The following VWA3B variants were observed in gnomAD, a reference collection of about 807,000 sequenced individuals.
VWA3B encodes the protein von Willebrand factor A domain containing 3B.
Under a neutral mutation model 158.3 loss-of-function variants are expected in VWA3B, and 138 were observed. The observed-to-expected ratio is 0.87, with a 90% confidence interval of 0.76 to 1.00. The LOEUF (loss-of-function observed/expected upper bound fraction) is 1.00, where lower values mean the gene tolerates loss of function less well. Ranked by LOEUF, VWA3B falls within the 50% of genes least tolerant of loss-of-function variation. The pLI is 0.00. For missense variants in VWA3B, 1,555 were observed against 1,565.1 expected (o/e 0.99, Z 0.11); for synonymous variants, 596 against 587.3 (o/e 1.01, Z -0.21).
Position 98,310,373 on chromosome 2 carries a change from G to A in VWA3B, c.3522-1446G>A, listed in dbSNP as rs575935366. Among the ~76,000 whole-genome samples the A allele has an allele frequency of 9.2e-5, 14 of 152,252 alleles. No homozygotes were observed. The East Asian group carries it at 1.2e-3, about 13-fold the overall frequency. The stretch of plus-strand genomic sequence containing the variant: ...TTCCCAGAAGTGGAACCAGCACAGC[G>A]CCAGAGTCCTCCAGGCAGGGGGGTA... On this transcript the variant is annotated intron_variant, in intron 26 of 27. Transcript: ENST00000477737.
intron 7 of VWA3B, among the ~76,000 whole-genome samples, chr2:98,153,526 A>T (rs894674683): frequency 6.6e-6 from 1 of 152,246 alleles, no homozygotes; most frequent in African/African-American, 2.4e-5. Context: ...TTAAAGGGAA[A>T]AAATAACCAA....
At chr2:98,186,208 C>T (rs1474001349) in intron 9 of VWA3B, among the ~76,000 whole-genome samples, 1 of 150,186 alleles carries the variant, frequency 6.7e-6, no homozygotes, top group Non-Finnish European at 1.5e-5. Flanking sequence ...ATCCTCCCAC[C>T]TCGCTGGCTG....
At chr2:98,089,144 C>A (rs907401406) in intron 1 of VWA3B, among the ~76,000 whole-genome samples, 2 of 152,080 alleles carry the variant, frequency 1.3e-5, no homozygotes, top group African/African-American at 4.8e-5. Flanking sequence ...TGGATATTTG[C>A]CTTCTTTGAA....
At chr2:98,166,463 C>G (rs1180965458) in intron 8 of VWA3B, among the ~76,000 whole-genome samples, 1 of 152,130 alleles carries the variant, frequency 6.6e-6, no homozygotes, top group African/African-American at 2.4e-5. Context: ...AGCCCTCTCC[C>G]CAGAAGCACA....
At chr2:98,137,465 C>T (rs1270114218) in intron 7 of VWA3B, among the ~76,000 whole-genome samples, 1 of 151,920 alleles carries the variant, frequency 6.6e-6, no homozygotes, top group African/African-American at 2.4e-5. Context: ...AAGTTAATGC[C>T]ACAAAAATCC....
chr2:98,235,202 T>C (rs927051629), intron 17 of VWA3B, among the ~76,000 whole-genome samples: 1 of 152,240 alleles, frequency 6.6e-6, no homozygotes, highest in Non-Finnish European at 1.5e-5. Flanking sequence ...ATAAAATTAT[T>C]AATCTTAAAG....
At position 98,093,121 on chromosome 2, in the gene VWA3B, T is replaced by C. The variant is rs770368297; in HGVS notation, c.29T>C (p.Ile10Thr). 6.2e-7 allele frequency: 1 copy of C among 1,613,918 alleles called. No homozygotes were observed. The highest frequency in any genetic ancestry group is 8.5e-7 in the Non-Finnish European group (1 of 1,179,930). The change falls in exon 2 of 28, where the codon ATC (isoleucine) becomes ACC (threonine). Residue 10 changes from isoleucine to threonine, a missense_variant. Ile to Thr is a moderately conservative substitution (Grantham distance 89). Coordinates refer to ENST00000477737, the MANE Select transcript of VWA3B (RefSeq NM_144992.5). Reference sequence around the variant, plus strand: ...GAGAAATCAGGCCCATCTTCTACCATCTCTGAGCAGCAGCTGCAGAGGCAA... The same window carrying C: ...GAGAAATCAGGCCCATCTTCTACCACCTCTGAGCAGCAGCTGCAGAGGCAA... MEKSGPSST[I>T]SEQQLQRQEG...
chr2:98,270,838 C>T lies in VWA3B; in HGVS notation c.3000C>T (p.Leu1000=). The change falls in exon 22 of 28, where the codon CTC becomes CTT. Residue 1000 remains leucine, a synonymous_variant. Transcript: ENST00000477737. ...GKMYIQQAME[L]QEAAKKNYAN... The stretch of plus-strand genomic sequence containing the variant: ...TGTACATCCAGCAGGCCATGGAACT[C>T]CAGGAGGCTGCCAAGAAGAATTATG... 6.2e-7 allele frequency: 1 copy of T among 1,614,094 alleles called. No individual in the cohort carries two copies. The highest frequency in any genetic ancestry group is 8.5e-7 in the Non-Finnish European group (1 of 1,179,974).
At chr2:98,262,255 A>G (rs1167176309) in intron 21 of VWA3B, among the ~76,000 whole-genome samples, 1 of 151,550 alleles carries the variant, frequency 6.6e-6, no homozygotes, top group East Asian at 1.9e-4. Context: ...ATGTGCAGCT[A>G]TTTTCTTTGA....
At chr2:98,108,260 G>C (rs1403998341) in intron 2 of VWA3B, among the ~76,000 whole-genome samples, 1 of 152,048 alleles carries the variant, frequency 6.6e-6, no homozygotes, top group East Asian at 1.9e-4. Context: ...AAAATGTTTA[G>C]GATGTTTTAT....
At chr2:98,170,866 A>G (rs1679525681) in intron 8 of VWA3B, among the ~76,000 whole-genome samples, 1 of 152,066 alleles carries the variant, frequency 6.6e-6, no homozygotes, top group Non-Finnish European at 1.5e-5. Flanking sequence ...CAGCCTCCCA[A>G]AGTGCTGGGA....
chr2:98,130,710 G>A (rs991333169), intron 6 of VWA3B, among the ~76,000 whole-genome samples: 4 of 152,190 alleles, frequency 2.6e-5, no homozygotes, highest in Admixed American at 6.5e-5. Context: ...TGGGGGTAGC[G>A]TTACAGATTA....
chr2:98,130,945 C>T (rs554493577), intron 6 of VWA3B, among the ~76,000 whole-genome samples: 31 of 152,314 alleles, frequency 2.0e-4, no homozygotes, highest in African/African-American at 6.3e-4. Flanking sequence ...TAAGTCCCCT[C>T]TTCTGGCTAT....
In VWA3B at chr2:98,290,526, G is replaced by A. The variant is rs1689424774; in HGVS notation, c.3061G>A (p.Gly1021Arg). The A allele has an allele frequency of 6.3e-7, 1 of 1,577,388 alleles. No individual in the cohort carries two copies. The highest frequency in any genetic ancestry group is 2.1e-5 in the Admixed American group (1 of 48,314). The change falls in exon 23 of 28, where the codon GGA becomes AGA. Residue 1021 changes from glycine to arginine, a missense_variant. Gly to Arg is a moderately radical substitution (Grantham distance 125). Coordinates refer to ENST00000477737, the MANE Select transcript of VWA3B (RefSeq NM_144992.5). ...TCTTTTTCAGCAACAGAAATTGCAA[G>A]GAAATCCAACAAAGAAAACCAAATC... ...KAPGEQQKLQ[G>R]NPTKKTKSKR...
At chr2:98,235,364 C>A (rs1240645757) in intron 17 of VWA3B, among the ~76,000 whole-genome samples, 1 of 151,948 alleles carries the variant, frequency 6.6e-6, no homozygotes, top group Non-Finnish European at 1.5e-5. Context: ...TGTGGCTACA[C>A]AGTCATAGTT....
At chr2:98,095,339 G>A (rs898196551) in intron 2 of VWA3B, among the ~76,000 whole-genome samples, 4 of 152,022 alleles carry the variant, frequency 2.6e-5, no homozygotes, top group Non-Finnish European at 5.9e-5. Context: ...CACCTCCTTA[G>A]TTAAATTTAT....
chr2:98,227,934 G>A (rs576951970), intron 14 of VWA3B, among the ~76,000 whole-genome samples: 1 of 152,286 alleles, frequency 6.6e-6, no homozygotes, highest in East Asian at 1.9e-4. Flanking sequence ...GCTAAAAATG[G>A]GATAATATAA....
chr2:98,175,265 C>A (rs370261942), intron 8 of VWA3B, among the ~76,000 whole-genome samples: 1 of 151,782 alleles, frequency 6.6e-6, no homozygotes, highest in African/African-American at 2.4e-5. Flanking sequence ...ATTAAATAAG[C>A]GATTTTAAAT....
intron 14 of VWA3B, among the ~76,000 whole-genome samples, chr2:98,220,278 C>T (rs1160373367): frequency 6.6e-6 from 1 of 151,676 alleles, no homozygotes. Flanking sequence ...GAAAACCTTA[C>T]CAGATAGAAA....
Sources: allele counts gnomAD v4.1 joint callset (sites outside exome capture counted in the v4.1 genomes callset), GRCh38; gene constraint gnomAD v4.1.1; transcripts MANE v1.5; gene names NCBI Gene and HGNC (gene_info 2026-07-23, HGNC 2026-07-21).